ZNF16: variants seen among roughly 807,000 people sequenced by gnomAD.
ZNF16 encodes the protein zinc finger protein 16, also known as zinc finger protein KOX9.
A neutral mutation model predicts 9.0 loss-of-function variants in ZNF16; 7 were observed. That is an observed-to-expected ratio of 0.78 (90% CI 0.44 to 1.47). The LOEUF is 1.47. Among genes scored for constraint, ZNF16 ranks in the 40% most tolerant of loss-of-function variants. ZNF16 has a pLI of 0.01. For synonymous variants in ZNF16, 312 were observed against 301.5 expected (o/e 1.03, Z -0.36); for missense variants, 830 against 854.2 (o/e 0.97, Z 0.35).
chr8:144,947,003 GCT>G lies in ZNF16; in HGVS notation c.-9-790_-9-789del, dbSNP rs66905525. On this transcript the variant is annotated intron_variant, in intron 1 of 2. Coordinates refer to ENST00000394909, the MANE Select transcript of ZNF16 (RefSeq NM_006958.3). ...GTGTCCTGCTGTGGGGCTGTGTCCT[GCT>G]GTGGGCCTGTATCCTGCTGTTGGGC... 9.6e-3 allele frequency among the ~76,000 whole-genome samples: 623 copies of G among 65,112 alleles called. 1 individual carries two copies. The highest frequency in any genetic ancestry group is 0.015 in the East Asian group (22 of 1,470). The allele number at this position is 65,112 out of a possible 152,430, so 42.7% of individuals were successfully genotyped here. A position where few individuals can be genotyped will look rare whatever the true frequency, so the allele number is the denominator to read the frequency against.
chr8:144,943,148 CT>C (rs1833844293), intron 2 of ZNF16, among the ~76,000 whole-genome samples: 1 of 152,138 alleles, frequency 6.6e-6, no homozygotes, highest in Admixed American at 6.5e-5. Context: ...TTTTTTCCCC[CT>C]CTTAGCAGTT....
chr8:144,945,989 C>T (rs201974769), intron 2 of ZNF16, 22 bp downstream of exon 2: 104 of 1,612,380 alleles, frequency 6.5e-5, no homozygotes, highest in African/African-American at 5.2e-4. Context: ...AGGGCACCAG[C>T]GGAGAACTGT....
intron 1 of ZNF16, chr8:144,947,830 A>G (rs1376735573): frequency 6.6e-6 from 1 of 152,242 alleles, no homozygotes; most frequent in Non-Finnish European, 1.5e-5. Flanking sequence ...GAGAGAGGAC[A>G]CTCCCACGTG....
In ZNF16 at chr8:144,931,660, G is replaced by A. The variant is rs1180931245; in HGVS notation, c.1127C>T (p.Pro376Leu). ...KHHRTHTGEK[P>L]FECGECGKAF... is the part of the protein sequence containing the mutation. ...TTTCCCACACTCGCCACACTCAAAAGGCTTCTCTCCTGTGTGAGTCCTGTG... is the reference window on the plus strand; with the variant it reads ...TTTCCCACACTCGCCACACTCAAAAAGCTTCTCTCCTGTGTGAGTCCTGTG... Residue 376 changes from proline (P) to leucine (L), a missense_variant, in exon 3 of 3, where the codon CCT (proline) becomes CTT (leucine). By Grantham distance (98) the Pro-to-Leu change is moderately conservative. Coordinates refer to ENST00000394909, the MANE Select transcript of ZNF16 (RefSeq NM_006958.3). The A allele has an allele frequency of 6.2e-7, 1 of 1,614,142 alleles. No individual in the cohort carries two copies. Among genetic ancestry groups the A allele is most frequent in the South Asian group, 1.1e-5 (1 of 91,082 alleles).
At position 144,946,603 on chromosome 8, in the gene ZNF16, CTGTTGGGCT is replaced by C. The variant is rs1227687979; in HGVS notation, c.-9-397_-9-389del. ...TGTCCTGCTGTGGGTCTGTATCCTG[CTGTTGGGCT>C]TGTGTCCTGCTGTTGGGCCTGTGTC... On this transcript the variant is annotated intron_variant, in intron 1 of 2. Transcript: ENST00000394909. Among the ~76,000 whole-genome samples, 160 of 119,672 alleles carry C rather than the reference CTGTTGGGCT, an allele frequency of 1.3e-3. 29 individuals are homozygous for C. The highest frequency in any genetic ancestry group is 1.5e-3 in the Non-Finnish European group (91 of 59,082). 78.5% of individuals were successfully genotyped at this position (119,672 alleles called of 152,430 possible). A position where few individuals can be genotyped will look rare whatever the true frequency, so the allele number is the denominator to read the frequency against.
chr8:144,941,025 C>G (rs1242860422), intron 2 of ZNF16, among the ~76,000 whole-genome samples: 1 of 152,122 alleles, frequency 6.6e-6, no homozygotes, highest in East Asian at 1.9e-4. Flanking sequence ...CAAGATATGA[C>G]TGGAGAGGGG....
At position 144,933,420 on chromosome 8, in the gene ZNF16, T is replaced by G. The variant is rs907203380; in HGVS notation, c.197-830A>C. Among the ~76,000 whole-genome samples the G allele has an allele frequency of 4.6e-5, 7 of 152,178 alleles. No individual in the cohort carries two copies. Among genetic ancestry groups the G allele is most frequent in the South Asian group, 2.1e-4 (1 of 4,836 alleles). On this transcript the variant is annotated intron_variant, in intron 2 of 2. Coordinates refer to ENST00000394909, the MANE Select transcript of ZNF16 (RefSeq NM_006958.3). This position sits in a 1 kb window ranked among gnomAD's most constrained non-coding sequence, Gnocchi z 5.6. ...TGCGTCATCTTTCCGCAGACAGAAA[T>G]GCACACAAAGCTCCGTGTCTGCCAG... is the stretch of plus-strand genomic sequence containing the variant.
In ZNF16 at chr8:144,946,600, CTGCTGTTGGGCT is replaced by C. The variant is rs1563925697; in HGVS notation, c.-9-397_-9-386del. On this transcript the variant is annotated intron_variant, in intron 1 of 2. Transcript: ENST00000394909. ...CTGTGTCCTGCTGTGGGTCTGTATC[CTGCTGTTGGGCT>C]TGTGTCCTGCTGTTGGGCCTGTGTC... Among the ~76,000 whole-genome samples, 54 of 125,630 alleles carry C rather than the reference CTGCTGTTGGGCT, an allele frequency of 4.3e-4. 1 individual carries two copies. The highest frequency in any genetic ancestry group is 1.5e-3 in the African/African-American group (47 of 31,638). The allele number at this position is 125,630 out of a possible 152,430, so 82.4% of individuals were successfully genotyped here.
intron 2 of ZNF16, among the ~76,000 whole-genome samples, chr8:144,937,033 T>C (rs1833697401): frequency 6.6e-6 from 1 of 152,116 alleles, no homozygotes; most frequent in Non-Finnish European, 1.5e-5. Flanking sequence ...TGTTTTGTTG[T>C]TGAGAAGTAA....
chr8:144,949,824 T>A (rs1020348490), intron 1 of ZNF16, among the ~76,000 whole-genome samples: 11 of 152,234 alleles, frequency 7.2e-5, no homozygotes, highest in Middle Eastern at 3.4e-3. Context: ...TAGTCTGAAA[T>A]ATGGCCTCAT....
rs1165903911 is a variant in ZNF16 at position 144,945,650 on chromosome 8, G to A, written c.196+361C>T. On this transcript the variant is annotated intron_variant, in intron 2 of 2. Coordinates refer to ENST00000394909, the MANE Select transcript of ZNF16 (RefSeq NM_006958.3). Reference sequence around the variant, plus strand: ...CTTCCTAGGCTTTAGATGGCCAACTGTATGGGTAACCACAGTACAAAGCCC... The same window carrying A: ...CTTCCTAGGCTTTAGATGGCCAACTATATGGGTAACCACAGTACAAAGCCC... 2.8e-5 allele frequency: 5 copies of A among 178,978 alleles called. No individual in the cohort carries two copies. The East Asian group carries it at 7.2e-4, about 26-fold the overall frequency. The allele number at this position is 178,978 out of a possible 1,614,324, so 11.1% of individuals were successfully genotyped here. A position where few individuals can be genotyped will look rare whatever the true frequency, so the allele number is the denominator to read the frequency against.
At chr8:144,945,023 G>A (rs1242111271) in intron 2 of ZNF16, 3 of 152,058 alleles carry the variant, frequency 2.0e-5, no homozygotes, top group African/African-American at 7.2e-5. Context: ...ATTAGACAGA[G>A]TTCTTGAGAA....
rs1563925544 is a variant in ZNF16, at chr8:144,946,561, ACC to A, written c.-9-348_-9-347del. Among the ~76,000 whole-genome samples, 261 of 115,760 alleles carry A rather than the reference ACC, an allele frequency of 2.3e-3. 2 individuals are homozygous for A. Among genetic ancestry groups the A allele is most frequent in the African/African-American group, 0.01 (250 of 24,984 alleles). 75.9% of individuals were successfully genotyped at this position (115,760 alleles called of 152,430 possible). On this transcript the variant is annotated intron_variant, in intron 1 of 2. Coordinates refer to ENST00000394909, the MANE Select transcript of ZNF16 (RefSeq NM_006958.3). ...GCCTGTGTACTGCTGTGGGGCCTGT[ACC>A]CTGCTGTGGGCCTGTGTCCTGCTGT... is the stretch of plus-strand genomic sequence containing the variant.
At chr8:144,942,361 G>A (rs945370315) in intron 2 of ZNF16, among the ~76,000 whole-genome samples, 2 of 150,552 alleles carry the variant, frequency 1.3e-5, no homozygotes, top group African/African-American at 4.9e-5. Context: ...GCCTCTGCCT[G>A]AGTTCAACCT....
In ZNF16 at chr8:144,932,694, G is replaced by T; in HGVS notation, c.197-104C>A. 7.9e-7 allele frequency: 1 copy of T among 1,267,092 alleles called. No individual in the cohort carries two copies. Among genetic ancestry groups the T allele is most frequent in the Non-Finnish European group, 1.1e-6 (1 of 913,188 alleles). 78.5% of individuals were successfully genotyped at this position (1,267,092 alleles called of 1,614,324 possible). A position where few individuals can be genotyped will look rare whatever the true frequency, so the allele number is the denominator to read the frequency against. On this transcript the variant is annotated intron_variant, in intron 2 of 2. Coordinates refer to ENST00000394909, the MANE Select transcript of ZNF16 (RefSeq NM_006958.3). The surrounding 1 kb of genome is among the most constrained non-coding windows in gnomAD (Gnocchi z 5.0). The stretch of plus-strand genomic sequence containing the variant: ...ACTAACTGTGGAGGAGGCAAGGGGA[G>T]CAGGGGATCCTCTGGGGTGGCAGTC...
intron 2 of ZNF16, among the ~76,000 whole-genome samples, chr8:144,938,476 T>C (rs1285460670): frequency 1.3e-5 from 2 of 152,270 alleles, no homozygotes; most frequent in East Asian, 1.9e-4. Context: ...TTAAATCTCC[T>C]TGGTCAAATT....
intron 2 of ZNF16, among the ~76,000 whole-genome samples, chr8:144,934,369 A>G (rs1833632001): frequency 6.6e-6 from 1 of 152,250 alleles, no homozygotes; most frequent in South Asian, 2.1e-4. Flanking sequence ...ACGTGCCAGC[A>G]CACAGATGTG....
intron 1 of ZNF16, chr8:144,948,034 G>C (rs910847149): frequency 2.0e-5 from 3 of 152,678 alleles, no homozygotes; most frequent in African/African-American, 7.2e-5. Context: ...ATCTGCAAAG[G>C]GGATGTGAAG....
Position 144,930,933 on chromosome 8 carries a change from C to A in ZNF16, c.1854G>T (p.Gln618His). 2 of 1,613,066 alleles carry A rather than the reference C, an allele frequency of 1.2e-6. No individual in the cohort carries two copies. The highest frequency in any genetic ancestry group is 1.7e-6 in the Non-Finnish European group (2 of 1,179,508). ...GCTCGCCCGTGTGGATTATCTGATG[C>A]TGAATGAGGTGTGAGCTCTGGCTGA... ...KGFSQSSHLI[Q>H]HQIIHTGERP... The change falls in exon 3 of 3, where the codon CAG (glutamine) becomes CAT (histidine). Residue 618 changes from glutamine (Q) to histidine (H), a missense_variant. Gln to His is a conservative substitution (Grantham distance 24). Coordinates refer to ENST00000394909, the MANE Select transcript of ZNF16 (RefSeq NM_006958.3).
Sources: gnomAD v4.1 joint callset for allele counts (sites outside exome capture counted in the v4.1 genomes callset) on GRCh38, gnomAD v4.1.1 for gene constraint, Gnocchi (gnomAD v3.1) non-coding constraint, MANE v1.5 for transcripts, NCBI Gene and HGNC (gene_info 2026-07-23, HGNC 2026-07-21) for gene names.